Variants in STK36 observed in about 807,000 individuals in gnomAD.
STK36 encodes serine/threonine kinase 36.
Under a neutral mutation model 142.2 loss-of-function variants are expected in STK36, and 116 were observed. The ratio of observed to expected loss-of-function variants is 0.82; its 90% CI spans 0.70 to 0.95. STK36 has a LOEUF of 0.95. STK36 is among the 40% of genes least tolerant of loss of function. The probability of loss-of-function intolerance (pLI) is 0.00; values close to 1 mark genes in which losing one functional copy is unlikely to be tolerated. For synonymous variants in STK36, 619 were observed against 641.7 expected (o/e 0.96, Z 0.53); for missense variants, 1,422 against 1,617.2 (o/e 0.88, Z 2.07).
At position 218,679,172 on chromosome 2, in the gene STK36, TC is replaced by T. The variant is rs747939398; in HGVS notation, c.691del (p.Leu231CysfsTer30). ...PSTISPCFKN[F>X]LQGLLTKDPR... The stretch of plus-strand genomic sequence containing the variant: ...GAATATTTTTTCTCTCTGTAGAACT[TC>T]CTGCAGGGACTGCTCACCAAAGACC... On this transcript the variant is annotated frameshift_variant, in exon 7 of 27. Transcript: ENST00000295709. LOFTEE classifies it high-confidence loss of function. The T allele has an allele frequency of 5.6e-6, 9 of 1,614,068 alleles. No individual in the cohort carries two copies. Among genetic ancestry groups the T allele is most frequent in the South Asian group, 3.3e-5 (3 of 91,082 alleles).
rs1940932388 is a variant in STK36 at position 218,689,966 on chromosome 2, GA to G, written c.1658+12del. 1 of 1,573,222 alleles carries G rather than the reference GA, an allele frequency of 6.4e-7. No individual in the cohort carries two copies. Among genetic ancestry groups the G allele is most frequent in the Non-Finnish European group, 8.6e-7 (1 of 1,157,382 alleles). On this transcript the variant is annotated intron_variant, in intron 13 of 26. Transcript: ENST00000295709. ...GCCAGACAAGTGACAGGTAGGATAA[GA>G]AGTGCTTTTGCATTGTTGGCAAGTT...
Position 218,693,240 on chromosome 2 carries a change from G to GCCTTCAGGTATGTC in STK36, c.2044_2045insCCTTCAGGTATGTC (p.Val682AlafsTer14). On this transcript the variant is annotated frameshift_variant and splice_region_variant, in exon 17 of 27. Transcript: ENST00000295709. LOFTEE classifies it high-confidence loss of function. ...TGAGCCTTCAGGTATGTCTCTATAGGTCTGTTGGCATTTGGCAAATCAGCT... is the reference window on the plus strand; with the variant it reads ...TGAGCCTTCAGGTATGTCTCTATAGGCCTTCAGGTATGTCTCTGTTGGCATTTGGCAAATCAGCT... The GCCTTCAGGTATGTC allele has an allele frequency of 6.2e-7, 1 of 1,614,064 alleles. No homozygotes were observed. The highest frequency in any genetic ancestry group is 8.5e-7 in the Non-Finnish European group (1 of 1,179,966).
chr2:218,699,298 GCTGCCCTCATTGCCCTCCGGAGC>G lies in STK36; in HGVS notation c.3759_3781del (p.Leu1254ThrfsTer16). The G allele has an allele frequency of 1.2e-6, 2 of 1,614,078 alleles. No individual in the cohort carries two copies. The highest frequency in any genetic ancestry group is 1.7e-6 in the Non-Finnish European group (2 of 1,180,028). ...AGACCCCCAGCCAAATGTGAAGGAG[GCTGCCCTCATTGCCCTCCGGAGC>G]CTGCAACAGGAGCCTGGCATCCATC... is the stretch of plus-strand genomic sequence containing the variant. On this transcript the variant is annotated frameshift_variant, in exon 26 of 27. Coordinates refer to ENST00000295709, the MANE Select transcript of STK36 (RefSeq NM_015690.5). LOFTEE classifies it high-confidence loss of function.
Position 218,689,927 on chromosome 2 carries a change from C to T in STK36, c.1629C>T (p.Phe543=). 6.2e-7 allele frequency: 1 copy of T among 1,600,740 alleles called. No individual in the cohort carries two copies. The highest frequency in any genetic ancestry group is 8.5e-7 in the Non-Finnish European group (1 of 1,172,816). The change falls in exon 13 of 27, where the codon TTC becomes TTT. Residue 543 remains phenylalanine, a synonymous_variant. Transcript: ENST00000295709. ...AVIQAYFACT[F]NLERSQTSDS... ...TTCAGGCCTACTTTGCCTGTACCTT[C>T]AATCTGGAGAGGAGCCAGACAAGTG...
rs778839552 is a variant in STK36, at chr2:218,676,262, T to G, written c.668T>G (p.Ile223Ser). 1 of 1,614,158 alleles carries G rather than the reference T, an allele frequency of 6.2e-7. No individual in the cohort carries two copies. Among genetic ancestry groups the G allele is most frequent in the Admixed American group, 1.7e-5 (1 of 60,024 alleles). ...GACCCTGTGCGCTGGCCCTCAACCA[T>G]CAGTCCCTGCTTTAAGGTAATGAAT... The part of the protein sequence containing the change: ...LKDPVRWPST[I>S]SPCFKNFLQG... The change falls in exon 6 of 27, where the codon ATC becomes AGC. Residue 223 changes from isoleucine (I) to serine (S), a missense_variant. Physicochemically the swap from Ile to Ser is moderately radical, Grantham distance 142. Around this residue, in one of 2 missense-constraint regions of STK36, gnomAD observed 460 missense variants for 449.6 expected, o/e 1.02. Coordinates refer to ENST00000295709, the MANE Select transcript of STK36 (RefSeq NM_015690.5).
rs759639879 is a variant in STK36, at chr2:218,694,309, G to T, written c.2382G>T (p.Ser794=). The change falls in exon 20 of 27, where the codon TCG becomes TCT. Residue 794 remains serine (S), a synonymous_variant. Transcript: ENST00000295709. The surrounding 1 kb of genome is among the most constrained non-coding windows in gnomAD (Gnocchi z 4.4). ...ACGTTGCTACTCTCTTTACCCATTCGCATGTCGTCTCTCTTGTGGTAAGTT... is the reference window on the plus strand; with the variant it reads ...ACGTTGCTACTCTCTTTACCCATTCTCATGTCGTCTCTCTTGTGGTAAGTT... ...GSDVATLFTH[S]HVVSLVSAAA... is the part of the protein sequence containing the mutation. The T allele has an allele frequency of 6.2e-6, 10 of 1,613,944 alleles. No homozygotes were observed. In the African/African-American group the frequency reaches 1.2e-4, roughly 19 times the overall value.
intron 11 of STK36, chr2:218,688,332 A>C: frequency 2.1e-6 from 1 of 470,360 alleles, no homozygotes; most frequent in Non-Finnish European, 4.2e-6. Context: ...ATATTGTTTT[A>C]TATGCATTGT....
At chr2:218,701,364 T>C (rs1290224688) in intron 26 of STK36, among the ~76,000 whole-genome samples, 2 of 151,908 alleles carry the variant, frequency 1.3e-5, no homozygotes, top group African/African-American at 4.8e-5. Flanking sequence ...ATGGTCTCGA[T>C]GTCCTGACCT....
Position 218,680,000 on chromosome 2 carries a change from C to T in STK36, c.1056C>T (p.Ser352=). 6.2e-7 allele frequency: 1 copy of T among 1,614,192 alleles called. No homozygotes were observed. Among genetic ancestry groups the T allele is most frequent in the Non-Finnish European group, 8.5e-7 (1 of 1,180,022 alleles). The part of the protein sequence containing the change: ...PRLGATPQES[S]LLAGILASEL... ...TCGGGGCCACTCCTCAGGAATCAAGCCTCCTGGCCGGGATCTTAGCCTCAG... is the reference window on the plus strand; with the variant it reads ...TCGGGGCCACTCCTCAGGAATCAAGTCTCCTGGCCGGGATCTTAGCCTCAG... Residue 352 remains serine (S), a synonymous_variant, in exon 9 of 27, where the codon AGC becomes AGT. Coordinates refer to ENST00000295709, the MANE Select transcript of STK36 (RefSeq NM_015690.5).
chr2:218,698,880 G>GCCCCTGCGCAGC lies in STK36; in HGVS notation c.3338_3349dup (p.Pro1113_Ser1116dup), dbSNP rs1246582987. On this transcript the variant is annotated inframe_insertion, in exon 26 of 27. Coordinates refer to ENST00000295709, the MANE Select transcript of STK36 (RefSeq NM_015690.5). ...TGGCTGGCTCTGATGAATCCTATCG[G>GCCCCTGCGCAGC]CCCCTGCGCAGCCTCCTGGGCCACC... is the stretch of plus-strand genomic sequence containing the variant. 2.5e-6 allele frequency: 4 copies of GCCCCTGCGCAGC among 1,614,170 alleles called. No individual in the cohort carries two copies. Among genetic ancestry groups the GCCCCTGCGCAGC allele is most frequent in the Non-Finnish European group, 3.4e-6 (4 of 1,180,040 alleles).
At position 218,689,943 on chromosome 2, in the gene STK36, C is replaced by T; in HGVS notation, c.1645C>T (p.Gln549Ter). ...CTGTACCTTCAATCTGGAGAGGAGCCAGACAAGTGACAGGTAGGATAAGAA... is the reference window on the plus strand; with the variant it reads ...CTGTACCTTCAATCTGGAGAGGAGCTAGACAAGTGACAGGTAGGATAAGAA... ...FACTFNLERS[Q>*]TSDSLQVFQE... The change falls in exon 13 of 27, where the codon CAG (glutamine) becomes TAG (stop). Residue 549 changes from glutamine (Q) to a stop codon, truncating the protein, a stop_gained. Transcript: ENST00000295709. LOFTEE classifies it high-confidence loss of function. The T allele has an allele frequency of 6.3e-7, 1 of 1,592,720 alleles. No individual in the cohort carries two copies. The highest frequency in any genetic ancestry group is 1.3e-5 in the African/African-American group (1 of 74,640).
intron 6 of STK36, among the ~76,000 whole-genome samples, chr2:218,678,551 C>T (rs1366717954): frequency 6.6e-6 from 1 of 152,212 alleles, no homozygotes; most frequent in African/African-American, 2.4e-5. Context: ...TCATAATCTA[C>T]TAATACCTCT....
In STK36 at chr2:218,697,543, G is replaced by T; in HGVS notation, c.2842G>T (p.Gly948Ter). The change falls in exon 24 of 27, where the codon GGA becomes TGA. Residue 948 changes from glycine (G) to a stop codon, truncating the protein, a stop_gained. Transcript: ENST00000295709. LOFTEE classifies it high-confidence loss of function. ...ATGCCTGAGCTGCCTGTCCCAGCAT[G>T]GAAGTATCCTCATGTCCATCCTGAA... ...QLCLSCLSQH[G>*]SILMSILKHL... is the part of the protein sequence containing the mutation. 1.2e-6 allele frequency: 2 copies of T among 1,614,206 alleles called. No individual in the cohort carries two copies. Among genetic ancestry groups the T allele is most frequent in the Non-Finnish European group, 1.7e-6 (2 of 1,180,044 alleles).
chr2:218,682,273 C>G (rs1241385254), intron 10 of STK36, among the ~76,000 whole-genome samples: 1 of 152,144 alleles, frequency 6.6e-6, no homozygotes, highest in African/African-American at 2.4e-5. Flanking sequence ...AAACTTTTGT[C>G]TCATTTGCTT....
chr2:218,680,524 T>TC, intron 9 of STK36, 79 bp from the exon 10 acceptor site: 2 of 1,168,246 alleles, frequency 1.7e-6, no homozygotes, highest in South Asian at 2.7e-5. Flanking sequence ...TTATCCTGGG[T>TC]CTACAGAGAG....
chr2:218,701,506 T>C (rs1390615291), intron 26 of STK36, among the ~76,000 whole-genome samples: 1 of 152,126 alleles, frequency 6.6e-6, no homozygotes, highest in African/African-American at 2.4e-5. Context: ...TTCTTGGTGG[T>C]AATGAGGTTA....
intron 14 of STK36, 101 bp downstream of exon 14, chr2:218,690,656 G>A: frequency 1.1e-6 from 1 of 950,798 alleles, no homozygotes; most frequent in African/African-American, 1.6e-5. Flanking sequence ...AAGTTAATAT[G>A]ACAAACATTT....
In STK36 at chr2:218,694,363, C is replaced by A; in HGVS notation, c.2400+36C>A. On this transcript the variant is annotated intron_variant, in intron 20 of 26. Coordinates refer to ENST00000295709, the MANE Select transcript of STK36 (RefSeq NM_015690.5). The surrounding 1 kb of genome is among the most constrained non-coding windows in gnomAD (Gnocchi z 4.4). ...AACCTTCACCCTCCTCCCCTTTTCA[C>A]CCTAGCATCTACCCCTTGTGGAAGT... 1 of 1,589,080 alleles carries A rather than the reference C, an allele frequency of 6.3e-7. No homozygotes were observed. Among genetic ancestry groups the A allele is most frequent in the Non-Finnish European group, 8.6e-7 (1 of 1,157,380 alleles).
chr2:218,681,931 T>TA (rs1940538887), intron 10 of STK36, among the ~76,000 whole-genome samples: 1 of 152,170 alleles, frequency 6.6e-6, no homozygotes, highest in African/African-American at 2.4e-5. Flanking sequence ...TTTATTTATT[T>TA]TTTTTATTTT....
Sources: allele counts gnomAD v4.1 joint callset (sites outside exome capture counted in the v4.1 genomes callset), GRCh38; gene constraint gnomAD v4.1.1; regional missense constraint gnomAD v4.1.1; non-coding constraint Gnocchi (gnomAD v3.1); transcripts MANE v1.5; gene names NCBI Gene and HGNC (gene_info 2026-07-23, HGNC 2026-07-21).